Variants in BSN observed in about 807,000 individuals in gnomAD.
BSN encodes bassoon presynaptic cytomatrix protein, also known as protein bassoon.
In BSN, 57 loss-of-function variants were observed where a neutral mutation model predicts 264.8. The ratio of observed to expected loss-of-function variants is 0.22; its 90% CI spans 0.17 to 0.27. The LOEUF is 0.27. BSN is among the 10% of genes least tolerant of loss of function. The pLI, the probability that BSN is intolerant of heterozygous loss-of-function variation, is 1.00. For synonymous variants in BSN, 2,059 were observed against 2,137.3 expected, an observed-to-expected ratio of 0.96 and a Z score of 1.01; for missense variants, 4,615 against 5,232.5, an observed-to-expected ratio of 0.88 and a Z score of 3.64.
chr3:49,653,794 C>T lies in BSN; in HGVS notation c.4238C>T (p.Ser1413Phe), dbSNP rs538303018. 5.6e-6 allele frequency: 9 copies of T among 1,614,044 alleles called. No homozygotes were observed. Among genetic ancestry groups the T allele is most frequent in the Non-Finnish European group, 5.9e-6 (7 of 1,180,026 alleles). ...GGCTCCGAGCGTAGTCCTTCACCAT[C>T]TTCCACAGCCCACAGCTATGGACAC... is the stretch of plus-strand genomic sequence containing the variant. Reference protein sequence around the residue: ...PAGSERSPSPSSTAHSYGHSP... With the variant: ...PAGSERSPSPFSTAHSYGHSP... Residue 1413 changes from serine to phenylalanine, a missense_variant, in exon 5 of 12, where the codon TCT becomes TTT. By Grantham distance (155) the Ser-to-Phe change is radical. Around this residue, in one of 3 missense-constraint regions of BSN, gnomAD observed 3,415 missense variants for 3,866.4 expected, o/e 0.88. Coordinates refer to ENST00000296452, the MANE Select transcript of BSN (RefSeq NM_003458.4). The surrounding 1 kb of genome is among the most constrained non-coding windows in gnomAD (Gnocchi z 6.3).
Position 49,616,508 on chromosome 3 carries a change from C to A in BSN, c.225-8467C>A, listed in dbSNP as rs144686160. 3.3e-3 allele frequency among the ~76,000 whole-genome samples: 506 copies of A among 152,334 alleles called. 2 individuals carry two copies. Among genetic ancestry groups the A allele is most frequent in the African/African-American group, 0.011 (477 of 41,582 alleles). On this transcript the variant is annotated intron_variant, in intron 1 of 11. Transcript: ENST00000296452. ...CTTAGAGAAACAGTTTCTTTAAGTT[C>A]ACTCCCCTCCTGGTGAGCAAAGACA... is the stretch of plus-strand genomic sequence containing the variant.
intron 1 of BSN, among the ~76,000 whole-genome samples, chr3:49,566,525 C>G (rs752519657): frequency 2.0e-5 from 3 of 152,080 alleles, no homozygotes; most frequent in African/African-American, 4.8e-5. Flanking sequence ...TGGCTCCCCC[C>G]TGTAATCTCA....
chr3:49,561,938 G>A (rs377369105), intron 1 of BSN, among the ~76,000 whole-genome samples: 1 of 152,038 alleles, frequency 6.6e-6, no homozygotes, highest in East Asian at 1.9e-4. Flanking sequence ...CTCCCGAGTA[G>A]CTGGGATTAC....
intron 1 of BSN, among the ~76,000 whole-genome samples, chr3:49,594,790 C>T (rs1157912071): frequency 6.6e-6 from 1 of 151,986 alleles, no homozygotes; most frequent in Non-Finnish European, 1.5e-5. Context: ...TCTACATTGA[C>T]TATGTTCAGT....
At position 49,655,078 on chromosome 3, in the gene BSN, C is replaced by T; in HGVS notation, c.5522C>T (p.Pro1841Leu). The change falls in exon 5 of 12, where the codon CCC (proline) becomes CTC (leucine). Residue 1841 changes from proline to leucine, a missense_variant. Transcript: ENST00000296452. ...PGPVPEPGAE[P>L]HRATPAELRS... ...CCAGTGCCAGAGCCAGGTGCCGAGC[C>T]CCACCGGGCCACCCCTGCAGAGCTG... 6.2e-7 allele frequency: 1 copy of T among 1,612,964 alleles called. No homozygotes were observed. The highest frequency in any genetic ancestry group is 8.5e-7 in the Non-Finnish European group (1 of 1,180,014).
Position 49,653,412 on chromosome 3 carries a change from AAGG to A in BSN, c.3859_3861del (p.Glu1287del), listed in dbSNP as rs1210055320. 6.8e-6 allele frequency: 11 copies of A among 1,613,814 alleles called. No individual in the cohort carries two copies. Among genetic ancestry groups the A allele is most frequent in the Middle Eastern group, 1.6e-4 (1 of 6,084 alleles). The stretch of plus-strand genomic sequence containing the variant: ...CCTGGCTTTTGCTGAGGACAAAAAG[AAGG>A]AGAAGCAGTTTCTAAATGCTGAGAG... On this transcript the variant is annotated inframe_deletion, in exon 5 of 12. Coordinates refer to ENST00000296452, the MANE Select transcript of BSN (RefSeq NM_003458.4). The surrounding 1 kb of genome is among the most constrained non-coding windows in gnomAD (Gnocchi z 6.3).
intron 1 of BSN, among the ~76,000 whole-genome samples, chr3:49,557,575 G>GTT (rs765139121): frequency 5.3e-4 from 70 of 132,436 alleles, no homozygotes; most frequent in African/African-American, 6.0e-4. Flanking sequence ...GCACCTGTCA[G>GTT]TTTTTTTTTT....
In BSN at chr3:49,655,965, G is replaced by T; in HGVS notation, c.6409G>T (p.Ala2137Ser). The T allele has an allele frequency of 6.2e-7, 1 of 1,609,944 alleles. No homozygotes were observed. ...YQPQHGPGLS[A>S]PQSLVPLRPG... is the part of the protein sequence containing the mutation. ...GCCCCAGCACGGGCCCGGGCTCAGT[G>T]CTCCACAGAGTCTGGTTCCCCTCAG... The change falls in exon 5 of 12, where the codon GCT (alanine) becomes TCT (serine). Residue 2137 changes from alanine (A) to serine (S), a missense_variant. Ala to Ser is a moderately conservative substitution (Grantham distance 99). Coordinates refer to ENST00000296452, the MANE Select transcript of BSN (RefSeq NM_003458.4).
Position 49,661,982 on chromosome 3 carries a change from A to C in BSN, c.10137A>C (p.Lys3379Asn). The C allele has an allele frequency of 1.9e-6, 3 of 1,614,002 alleles. No individual in the cohort carries two copies. The highest frequency in any genetic ancestry group is 2.5e-6 in the Non-Finnish European group (3 of 1,180,042). Residue 3379 changes from lysine (K) to asparagine (N), a missense_variant, in exon 6 of 12, where the codon AAA (lysine) becomes AAC (asparagine). Lys to Asn is a moderately conservative substitution (Grantham distance 94, BLOSUM62 0). Coordinates refer to ENST00000296452, the MANE Select transcript of BSN (RefSeq NM_003458.4). ...AGTTCTCGCCTATTGAAGAGGCCAA[A>C]GACGTAGAGTCAGACCTGGCGTCCT... Reference protein sequence around the residue: ...ISKFSPIEEAKDVESDLASYP... With the variant: ...ISKFSPIEEANDVESDLASYP...
At chr3:49,562,679 G>A (rs1051907339) in intron 1 of BSN, among the ~76,000 whole-genome samples, 1 of 152,166 alleles carries the variant, frequency 6.6e-6, no homozygotes, top group Non-Finnish European at 1.5e-5. Flanking sequence ...CCAAAATGCC[G>A]AATGCTGTGG....
rs569265198 is a variant in BSN, at chr3:49,625,640, C to G, written c.633+257C>G. ...CTGAGAGTAGAAGATACTTTCTAAC[C>G]TGGTCCAAGTTTGGTCTGGAAAAAT... On this transcript the variant is annotated intron_variant, in intron 2 of 11. Coordinates refer to ENST00000296452, the MANE Select transcript of BSN (RefSeq NM_003458.4). This position sits in a 1 kb window ranked among gnomAD's most constrained non-coding sequence, Gnocchi z 4.4. 1.6e-3 allele frequency among the ~76,000 whole-genome samples: 243 copies of G among 152,334 alleles called. 1 individual carries two copies. Among genetic ancestry groups the G allele is most frequent in the Non-Finnish European group, 1.2e-3 (82 of 68,042 alleles).
intron 10 of BSN, 63 bp downstream of exon 10, chr3:49,664,916 G>T: frequency 7.6e-7 from 1 of 1,316,404 alleles, no homozygotes; most frequent in African/African-American, 1.5e-5. Context: ...GGGGGTGGGG[G>T]TGGGGCTCTA....
chr3:49,629,715 G>A lies in BSN; in HGVS notation c.633+4332G>A, dbSNP rs546388151. ...CCCAGAGCACCATCTAGAGTGAAGG[G>A]GCCCACGCTCTGCCCCTGTGGGGAG... On this transcript the variant is annotated intron_variant, in intron 2 of 11. Transcript: ENST00000296452. Among the ~76,000 whole-genome samples the A allele has an allele frequency of 8.5e-5, 13 of 152,334 alleles. No homozygotes were observed. The South Asian group carries it at 2.1e-3, about 24-fold the overall frequency.
At chr3:49,574,463 G>A (rs1341386817) in intron 1 of BSN, among the ~76,000 whole-genome samples, 2 of 151,786 alleles carry the variant, frequency 1.3e-5, no homozygotes, top group African/African-American at 4.8e-5. Context: ...AGGTGACCAT[G>A]ACACCCCTGA....
chr3:49,606,206 T>C (rs2052142907), intron 1 of BSN, among the ~76,000 whole-genome samples: 1 of 62,672 alleles, frequency 1.6e-5, no homozygotes, highest in Non-Finnish European at 2.8e-5. Context: ...ACATATATTA[T>C]ATATGTATAT....
At chr3:49,640,206 C>G (rs1040832197) in intron 2 of BSN, among the ~76,000 whole-genome samples, 2 of 152,230 alleles carry the variant, frequency 1.3e-5, no homozygotes, top group African/African-American at 4.8e-5. Flanking sequence ...GAGGAGGAGA[C>G]TCTTCATTGA....
At position 49,606,180 on chromosome 3, in the gene BSN, TA is replaced by T. The variant is rs2052141111; in HGVS notation, c.225-18794del. 5.6e-4 allele frequency among the ~76,000 whole-genome samples: 3 copies of T among 5,310 alleles called. 1 individual carries two copies. The highest frequency in any genetic ancestry group is 6.7e-4 in the Non-Finnish European group (2 of 2,964). The allele number at this position is 5,310 out of a possible 152,430, so 3.5% of individuals were successfully genotyped here. On this transcript the variant is annotated intron_variant, in intron 1 of 11. Transcript: ENST00000296452. ...ATTATATATACATATATTATATATG[TA>T]TATATATTATATATACATATATTAT...
At chr3:49,567,810 T>C (rs774459096) in intron 1 of BSN, among the ~76,000 whole-genome samples, 8 of 152,190 alleles carry the variant, frequency 5.3e-5, no homozygotes, top group Non-Finnish European at 1.0e-4. Context: ...ATGGAGTGTG[T>C]TTCTACTTCA....
chr3:49,642,404 C>A lies in BSN; in HGVS notation c.770C>A (p.Pro257His), dbSNP rs757213353. The stretch of plus-strand genomic sequence containing the variant: ...CCTGCCCACTCCCCGGCCAAACAGC[C>A]CCTGGGGAAGCCAGACCAAGAGAGA... ...LSPAHSPAKQ[P>H]LGKPDQERSR... Residue 257 changes from proline (P) to histidine (H), a missense_variant, in exon 3 of 12, where the codon CCC (proline) becomes CAC (histidine). Physicochemically the swap from Pro to His is moderately conservative, Grantham distance 77 (BLOSUM62 -2). Coordinates refer to ENST00000296452, the MANE Select transcript of BSN (RefSeq NM_003458.4). This position sits in a 1 kb window ranked among gnomAD's most constrained non-coding sequence, Gnocchi z 7.0. The A allele has an allele frequency of 1.7e-5, 27 of 1,601,906 alleles. No homozygotes were observed. The Middle Eastern group carries it at 9.9e-4, about 59-fold the overall frequency.
Sources: allele counts gnomAD v4.1 joint callset (sites outside exome capture counted in the v4.1 genomes callset), GRCh38; gene constraint gnomAD v4.1.1; regional missense constraint gnomAD v4.1.1; non-coding constraint Gnocchi (gnomAD v3.1); transcripts MANE v1.5; gene names NCBI Gene and HGNC (gene_info 2026-07-23, HGNC 2026-07-21).